Variants in SGMS1 observed in about 807,000 individuals in gnomAD.
SGMS1 encodes phosphatidylcholine:ceramide cholinephosphotransferase 1.
Under a neutral mutation model 46.2 loss-of-function variants are expected in SGMS1, and 13 were observed. The ratio of observed to expected loss-of-function variants is 0.28; its 90% confidence interval spans 0.18 to 0.45. The LOEUF is 0.45. Ranked by LOEUF, SGMS1 falls within the 20% of genes least tolerant of loss-of-function variation. The pLI is 1.00. For synonymous variants in SGMS1, 203 were observed against 187.8 expected, an observed-to-expected ratio of 1.08 and a Z score of -0.66; for missense variants, 324 against 519.9, an observed-to-expected ratio of 0.62 and a Z score of 3.66.
At chr10:50,624,891 G>A (rs1371200734), upstream of SGMS1, 4 of 1,002,078 alleles carry the variant, frequency 4.0e-6, no homozygotes, top group Middle Eastern at 4.9e-4. Context: ...GCGAGCGGGG[G>A]AAGGGGCGCG....
In SGMS1 at chr10:50,608,601, T is replaced by C. The variant is rs1310594216; in HGVS notation, c.-684+15106A>G. ...AAGAGAGTTTCAAGGAAGATAGTAT[T>C]ATCATCGAAATTTAATCAGTGTGAT... is the stretch of plus-strand genomic sequence containing the variant. On this transcript the variant is annotated intron_variant, in intron 1 of 10. Transcript: ENST00000361781. Among the ~76,000 whole-genome samples, 5 of 152,162 alleles carry C rather than the reference T, an allele frequency of 3.3e-5. 1 individual carries two copies. In the East Asian group the frequency reaches 9.6e-4, roughly 29 times the overall value.
chr10:50,606,908 C>T (rs1351537348), intron 1 of SGMS1, among the ~76,000 whole-genome samples: 1 of 152,028 alleles, frequency 6.6e-6, no homozygotes, highest in Non-Finnish European at 1.5e-5. Flanking sequence ...GATTTTGTCA[C>T]GTACTTACCA....
chr10:50,374,749 T>C (rs545901573), intron 6 of SGMS1, among the ~76,000 whole-genome samples: 1 of 152,070 alleles, frequency 6.6e-6, no homozygotes. Context: ...CTTCAACCAC[T>C]CTGGCCACTG....
At chr10:50,551,363 G>A (rs1838147377) in intron 2 of SGMS1, among the ~76,000 whole-genome samples, 1 of 150,936 alleles carries the variant, frequency 6.6e-6, no homozygotes, top group South Asian at 2.1e-4. Context: ...TACTCCTCAA[G>A]ACTGTCAAGG....
intron 6 of SGMS1, among the ~76,000 whole-genome samples, chr10:50,390,906 G>A (rs1223749467): frequency 6.6e-6 from 1 of 152,112 alleles, no homozygotes; most frequent in Admixed American, 6.6e-5. Context: ...CCTGGTAATG[G>A]TCACAGCCTG....
intron 6 of SGMS1, among the ~76,000 whole-genome samples, chr10:50,388,386 C>A (rs894382531): frequency 7.3e-5 from 11 of 150,640 alleles, no homozygotes; most frequent in African/African-American, 2.2e-4. Context: ...GTAATCCCAG[C>A]ACTTTGGGAA....
chr10:50,593,718 G>A (rs987774321), intron 1 of SGMS1, among the ~76,000 whole-genome samples: 5 of 152,188 alleles, frequency 3.3e-5, no homozygotes, highest in Admixed American at 3.3e-4. Context: ...AATACGGTAT[G>A]TGCTCTTCTA....
chr10:50,442,121 A>AAAAAC (rs933203197), intron 5 of SGMS1, among the ~76,000 whole-genome samples: 6 of 152,184 alleles, frequency 3.9e-5, no homozygotes, highest in Non-Finnish European at 8.8e-5. Flanking sequence ...GTTAAAGATA[A>AAAAAC]AAAACAAAAC....
At chr10:50,422,725 GTTC>G (rs1269362780) in intron 6 of SGMS1, among the ~76,000 whole-genome samples, 2 of 152,204 alleles carry the variant, frequency 1.3e-5, no homozygotes, top group African/African-American at 4.8e-5. Flanking sequence ...GCAAAGGACA[GTTC>G]TTCAAGACAA....
chr10:50,319,161 C>CAAAAA lies in SGMS1; in HGVS notation c.742-7751_742-7747dup, dbSNP rs5784829. ...CTGGTCAGGAAGTGAGATTTGCCACCAAAAAAAAAAAAAAAAAAAATTGCC... is the reference window on the plus strand; with the variant it reads ...CTGGTCAGGAAGTGAGATTTGCCACCAAAAAAAAAAAAAAAAAAAAAAAAATTGCC... On this transcript the variant is annotated intron_variant, in intron 8 of 10. Transcript: ENST00000361781. Among the ~76,000 whole-genome samples the CAAAAA allele has an allele frequency of 1.2e-3, 132 of 107,780 alleles. 1 individual carries two copies. The highest frequency in any genetic ancestry group is 0.012 in the East Asian group (46 of 3,956). The allele number at this position is 107,780 out of a possible 152,430, so 70.7% of individuals were successfully genotyped here.
At chr10:50,591,798 A>G (rs1838543676) in intron 1 of SGMS1, among the ~76,000 whole-genome samples, 1 of 152,260 alleles carries the variant, frequency 6.6e-6, no homozygotes, top group South Asian at 2.1e-4. Flanking sequence ...ATAAAGATGG[A>G]AGCAGCATCA....
At chr10:50,535,469 G>A (rs1304033959) in intron 2 of SGMS1, among the ~76,000 whole-genome samples, 3 of 151,758 alleles carry the variant, frequency 2.0e-5, no homozygotes, top group African/African-American at 7.3e-5. Flanking sequence ...GGGTTCAAGC[G>A]ATTCTCCTGC....
chr10:50,436,663 AT>A (rs1298771638), intron 5 of SGMS1, among the ~76,000 whole-genome samples: 2 of 152,164 alleles, frequency 1.3e-5, no homozygotes, highest in Non-Finnish European at 2.9e-5. Flanking sequence ...CCTTTTCTGA[AT>A]GTTCACTTTA....
chr10:50,452,514 A>T (rs1191924798), intron 5 of SGMS1, among the ~76,000 whole-genome samples: 1 of 152,210 alleles, frequency 6.6e-6, no homozygotes, highest in African/African-American at 2.4e-5. Context: ...TTGAAGCATA[A>T]TGAAGTATAA....
At chr10:50,350,899 C>A (rs1404780995) in intron 6 of SGMS1, among the ~76,000 whole-genome samples, 2 of 152,184 alleles carry the variant, frequency 1.3e-5, no homozygotes, top group Non-Finnish European at 2.9e-5. Context: ...AGAGTTCCTA[C>A]TGGGGTACTG....
At chr10:50,309,903 C>T (rs17721080) in intron 9 of SGMS1, among the ~76,000 whole-genome samples, 34,026 of 152,018 alleles carry the variant, frequency 0.22, 4,330 homozygotes, top group Middle Eastern at 0.32. Context: ...TCTCTCCATC[C>T]CTGATGCCAT....
At chr10:50,455,862 C>T (rs2133674415) in intron 5 of SGMS1, among the ~76,000 whole-genome samples, 1 of 152,250 alleles carries the variant, frequency 6.6e-6, no homozygotes, top group East Asian at 1.9e-4. Context: ...TACCTTCCAC[C>T]ACTCACTGCT....
intron 2 of SGMS1, among the ~76,000 whole-genome samples, chr10:50,569,491 T>G (rs758123419): frequency 2.0e-5 from 3 of 151,992 alleles, no homozygotes; most frequent in Non-Finnish European, 4.4e-5. Flanking sequence ...ACTCTGCAGT[T>G]TCTTCCTTCA....
At chr10:50,349,904 C>T (rs1260282817) in intron 6 of SGMS1, among the ~76,000 whole-genome samples, 1 of 152,076 alleles carries the variant, frequency 6.6e-6, no homozygotes, top group African/African-American at 2.4e-5. Context: ...TACATTGGTA[C>T]CAGTAGAGTA....
Sources: gnomAD v4.1 joint callset for allele counts (sites outside exome capture counted in the v4.1 genomes callset) on GRCh38, gnomAD v4.1.1 for gene constraint, MANE v1.5 for transcripts, NCBI Gene and HGNC (gene_info 2026-07-23, HGNC 2026-07-21) for gene names.